DST: variants seen among roughly 807,000 people sequenced by gnomAD.
DST encodes the protein bullous pemphigoid antigen.
Under a neutral mutation model 875.2 loss-of-function variants are expected in DST, and 253 were observed. The observed-to-expected ratio is 0.29, with a 90% CI of 0.26 to 0.32. DST has a LOEUF of 0.32. Among genes scored for constraint, DST ranks in the 10% least tolerant of loss-of-function variants. DST has a pLI of 1.00. For synonymous variants in DST, 3,124 were observed against 3,197.1 expected (o/e 0.98, Z 0.77); for missense variants, 8,287 against 9,111.6 (o/e 0.91, Z 3.68).
chr6:56,518,154 A>C (rs1384657473), intron 69 of DST, among the ~76,000 whole-genome samples: 1 of 152,210 alleles, frequency 6.6e-6, no homozygotes, highest in African/African-American at 2.4e-5. Context: ...ATTCATGTAT[A>C]ATTTTTAAGC....
intron 9 of DST, among the ~76,000 whole-genome samples, chr6:56,689,778 G>C (rs2099215290): frequency 6.6e-6 from 1 of 152,066 alleles, no homozygotes; most frequent in Admixed American, 6.6e-5. Context: ...CATGTATATG[G>C]CCAGGTTAGA....
In DST at chr6:56,616,682, C is replaced by T. The variant is rs766861762; in HGVS notation, c.4930-2198G>A. The T allele has an allele frequency of 1.1e-5, 17 of 1,614,046 alleles. No homozygotes were observed. Among genetic ancestry groups the T allele is most frequent in the Middle Eastern group, 1.6e-4 (1 of 6,084 alleles). On this transcript the variant is annotated intron_variant, in intron 36 of 103. Transcript: ENST00000680361. The stretch of plus-strand genomic sequence containing the variant: ...CTGCAGAGCAATTTCTGGAGGAACA[C>T]GAATGCCTCTCACAGGGTCAATGAC...
chr6:56,829,404 T>G (rs1228654244), intron 4 of DST, among the ~76,000 whole-genome samples: 1 of 152,212 alleles, frequency 6.6e-6, no homozygotes, highest in Non-Finnish European at 1.5e-5. Flanking sequence ...ATAAATCTAA[T>G]GCCCCAAAGT....
At chr6:56,637,076 T>G (rs1284168013) in intron 22 of DST, among the ~76,000 whole-genome samples, 1 of 150,556 alleles carries the variant, frequency 6.6e-6, no homozygotes, top group African/African-American at 2.5e-5. Context: ...AGAGTGAAAC[T>G]CCACCTCAAA....
At chr6:56,517,691 C>A in intron 69 of DST, 71 bp from the exon 70 acceptor site, 1 of 1,505,386 alleles carries the variant, frequency 6.6e-7, no homozygotes, top group South Asian at 1.3e-5. Context: ...ATCTACAGTT[C>A]TTTGAAATAT....
At chr6:56,813,091 G>A (rs1460393957) in intron 4 of DST, among the ~76,000 whole-genome samples, 1 of 151,800 alleles carries the variant, frequency 6.6e-6, no homozygotes, top group East Asian at 1.9e-4. Flanking sequence ...GTAGGGACGT[G>A]GATGAAATTG....
chr6:56,664,553 G>T (rs2099062449), intron 10 of DST, among the ~76,000 whole-genome samples: 1 of 152,096 alleles, frequency 6.6e-6, no homozygotes, highest in Non-Finnish European at 1.5e-5. Context: ...ATACTCCTAG[G>T]ATCCCTTGCC....
At chr6:56,561,139 T>C (rs1158612162) in intron 57 of DST, among the ~76,000 whole-genome samples, 169 bp downstream of exon 57, 1 of 152,166 alleles carries the variant, frequency 6.6e-6, no homozygotes, top group African/African-American at 2.4e-5. Flanking sequence ...AAAGTAACTA[T>C]TATTATCAAT....
rs140459680 is a variant in DST, at chr6:56,568,768, C to T, written c.13879-173G>A. 4.9e-4 allele frequency among the ~76,000 whole-genome samples: 75 copies of T among 152,268 alleles called. 1 individual carries two copies. The East Asian group carries it at 0.013, about 27-fold the overall frequency. Reference sequence around the variant, plus strand: ...TTCCCACAGCCCAGGTGACTGTTATCTCAGTTAACGGTTGGGTATGTATGG... The same window carrying T: ...TTCCCACAGCCCAGGTGACTGTTATTTCAGTTAACGGTTGGGTATGTATGG... On this transcript the variant is annotated intron_variant, in intron 54 of 103. Transcript: ENST00000680361.
At chr6:56,894,231 A>AC (rs1241332934) in intron 3 of DST, among the ~76,000 whole-genome samples, 1 of 18,284 alleles carries the variant, frequency 5.5e-5, no homozygotes, top group Non-Finnish European at 9.6e-5. Context: ...CGGGGGGCTG[A>AC]CCCCCCCACC....
rs748610577 is a variant in DST at position 56,954,560 on chromosome 6, G to A, written c.28C>T (p.Leu10=). The A allele has an allele frequency of 3.3e-4, 455 of 1,363,602 alleles. 2 individuals carry two copies. The highest frequency in any genetic ancestry group is 3.1e-5 in the Non-Finnish European group (32 of 1,020,140). 84.5% of individuals were successfully genotyped at this position (1,363,602 alleles called of 1,614,324 possible). A position where few individuals can be genotyped will look rare whatever the true frequency, so the allele number is the denominator to read the frequency against. MIAAAFLVL[L]RPYSIQCALF... is the part of the protein sequence containing the mutation. ...GCACATTGGATGCTGTAGGGTCTCAGCAAGACGAGGAAAGCCGCGGCGATC... is the reference window on the plus strand; with the variant it reads ...GCACATTGGATGCTGTAGGGTCTCAACAAGACGAGGAAAGCCGCGGCGATC... Residue 10 remains leucine (L), a synonymous_variant, in exon 1 of 104, where the codon CTG becomes TTG. Transcript: ENST00000680361.
At chr6:56,704,257 A>G in intron 6 of DST, 23 bp downstream of exon 6, 3 of 1,256,566 alleles carry the variant, frequency 2.4e-6, no homozygotes, top group Non-Finnish European at 3.4e-6. Flanking sequence ...TCTTCAAAAT[A>G]AAATAAGAAA....
rs2098594225 is a variant in DST, at chr6:56,614,585, A to G, written c.4930-101T>C. 2.6e-5 allele frequency: 35 copies of G among 1,358,160 alleles called. No homozygotes were observed. The South Asian group carries it at 7.2e-4, about 28-fold the overall frequency. The allele number at this position is 1,358,160 out of a possible 1,614,324, so 84.1% of individuals were successfully genotyped here. A position where few individuals can be genotyped will look rare whatever the true frequency, so the allele number is the denominator to read the frequency against. ...AACAAGAATGTAAAAATTTTTTTTC[A>G]TCACACACAGGTTACTAAAACATTT... On this transcript the variant is annotated intron_variant, in intron 36 of 103. Transcript: ENST00000680361.
intron 61 of DST, among the ~76,000 whole-genome samples, chr6:56,549,964 T>C (rs1253766745): frequency 1.3e-5 from 2 of 152,186 alleles, no homozygotes. Flanking sequence ...TCCTTGAGCC[T>C]AGGCTTCTTT....
chr6:56,560,890 C>T (rs1195574336), intron 57 of DST, among the ~76,000 whole-genome samples: 2 of 152,076 alleles, frequency 1.3e-5, no homozygotes, highest in Non-Finnish European at 2.9e-5. Flanking sequence ...CATATAAAGC[C>T]ATTTTCCCAA....
At chr6:56,831,166 T>A (rs1168744850) in intron 4 of DST, among the ~76,000 whole-genome samples, 1 of 152,210 alleles carries the variant, frequency 6.6e-6, no homozygotes, top group African/African-American at 2.4e-5. Context: ...ATTAAGAGTG[T>A]CACATCCAAT....
At position 56,473,976 on chromosome 6, in the gene DST, T is replaced by C. The variant is rs1279200062; in HGVS notation, c.21891A>G (p.Lys7297=). The C allele has an allele frequency of 8.9e-6, 14 of 1,580,384 alleles. No homozygotes were observed. Among genetic ancestry groups the C allele is most frequent in the Non-Finnish European group, 1.2e-5 (14 of 1,160,906 alleles). ...HQTFMEEMTR[K]QPDVDKVTKT... is the part of the protein sequence containing the mutation. ...TCGTTACTTTATCAACATCAGGCTGTTTTCTGGTCATTTCCTCCATGAAGG... is the reference window on the plus strand; with the variant it reads ...TCGTTACTTTATCAACATCAGGCTGCTTTCTGGTCATTTCCTCCATGAAGG... The change falls in exon 93 of 104, where the codon AAA becomes AAG. Residue 7297 remains lysine (K), a synonymous_variant. Coordinates refer to ENST00000680361, the MANE Select transcript of DST (RefSeq NM_001374736.1).
At chr6:56,881,210 C>T (rs1169916406) in intron 3 of DST, among the ~76,000 whole-genome samples, 1 of 152,064 alleles carries the variant, frequency 6.6e-6, no homozygotes, top group Non-Finnish European at 1.5e-5. Flanking sequence ...CACGGTGGCT[C>T]ACATCTGTAA....
chr6:56,477,512 A>C (rs2095247754), intron 90 of DST, 24 bp from the exon 91 acceptor site: 1 of 1,613,626 alleles, frequency 6.2e-7, no homozygotes, highest in African/African-American at 1.3e-5. Flanking sequence ...AAAGACTTCA[A>C]TTAACTGTTG....
Sources: allele counts gnomAD v4.1 joint callset (sites outside exome capture counted in the v4.1 genomes callset), GRCh38; gene constraint gnomAD v4.1.1; transcripts MANE v1.5; gene names NCBI Gene and HGNC (gene_info 2026-07-23, HGNC 2026-07-21).